Variants in NFIB observed in about 807,000 individuals in gnomAD.
The protein encoded by NFIB is nuclear factor 1 B-type.
A neutral mutation model predicts 61.5 loss-of-function variants in NFIB; 11 were observed. The ratio of observed to expected loss-of-function variants is 0.18; its 90% CI spans 0.11 to 0.30. The LOEUF (loss-of-function observed/expected upper bound fraction) is 0.30, where lower values mean the gene tolerates loss of function less well. Among genes scored for constraint, NFIB ranks in the 10% least tolerant of loss-of-function variants. The pLI, the probability that NFIB is intolerant of heterozygous loss-of-function variation, is 1.00. For missense variants in NFIB, 471 were observed against 608.9 expected (o/e 0.77, Z 2.38); for synonymous variants, 260 against 216.5 (o/e 1.20, Z -1.76).
chr9:14,514,577 A>T, the NFIB span, among the ~76,000 whole-genome samples: 1 of 152,158 alleles, frequency 6.6e-6, no homozygotes. Flanking sequence ...TTTATCATGA[A>T]AAACCTAAAT....
chr9:14,503,419 G>C, the NFIB span, among the ~76,000 whole-genome samples: 1 of 152,056 alleles, frequency 6.6e-6, no homozygotes, highest in African/African-American at 2.4e-5. Context: ...CAGTGTAAAA[G>C]TGTTCCCTTT....
intron 5 of NFIB, among the ~76,000 whole-genome samples, chr9:14,148,289 A>C (rs778026795): frequency 4.6e-5 from 7 of 151,890 alleles, no homozygotes; most frequent in Non-Finnish European, 1.0e-4. Flanking sequence ...AGCCTTGCTA[A>C]TTAAAAAAAT....
chr9:14,416,071 T>A, the NFIB span, among the ~76,000 whole-genome samples: 2 of 152,008 alleles, frequency 1.3e-5, no homozygotes, highest in African/African-American at 4.8e-5. Flanking sequence ...TGTATAAACC[T>A]AAGAAAAAAA....
At chr9:14,475,580 G>C in the NFIB span, among the ~76,000 whole-genome samples, 1 of 152,050 alleles carries the variant, frequency 6.6e-6, no homozygotes, top group Non-Finnish European at 1.5e-5. Context: ...GCGTCTTGCT[G>C]ACAGCCCGTA....
At chr9:14,444,121 T>A in the NFIB span, among the ~76,000 whole-genome samples, 1 of 152,234 alleles carries the variant, frequency 6.6e-6, no homozygotes, top group East Asian at 1.9e-4. Flanking sequence ...ACATATTTGA[T>A]GTGTCAGTTT....
chr9:14,252,295 T>C (rs1369042320), intron 2 of NFIB, among the ~76,000 whole-genome samples: 8 of 152,210 alleles, frequency 5.3e-5, no homozygotes, highest in Non-Finnish European at 8.8e-5. Flanking sequence ...TTTTTAATAT[T>C]CCTCATTACT....
chr9:14,237,292 T>C (rs1242048461), intron 2 of NFIB, among the ~76,000 whole-genome samples: 3 of 152,168 alleles, frequency 2.0e-5, no homozygotes, highest in Non-Finnish European at 2.9e-5. Context: ...CTTTCATCTA[T>C]CTCATCCTAT....
At chr9:14,315,458 C>T (rs930079324), upstream of NFIB, among the ~76,000 whole-genome samples, 16 of 148,592 alleles carry the variant, frequency 1.1e-4, no homozygotes, top group Non-Finnish European at 1.9e-4. Context: ...ATCCCCACCC[C>T]CCGGGGCCCG....
At chr9:14,489,837 A>G in the NFIB span, among the ~76,000 whole-genome samples, 1 of 152,088 alleles carries the variant, frequency 6.6e-6, no homozygotes, top group Non-Finnish European at 1.5e-5. Context: ...TTTAGAGAAC[A>G]TTCCATCTTA....
At chr9:14,331,942 A>G (rs1241520128) in intron 1 of NFIB, among the ~76,000 whole-genome samples, 1 of 152,182 alleles carries the variant, frequency 6.6e-6, no homozygotes, top group South Asian at 2.1e-4. Flanking sequence ...GAGAGATGAT[A>G]AACAAGAATA....
At chr9:14,201,759 A>G (rs1418091323) in intron 2 of NFIB, among the ~76,000 whole-genome samples, 1 of 152,174 alleles carries the variant, frequency 6.6e-6, no homozygotes, top group Non-Finnish European at 1.5e-5. Flanking sequence ...GAAGAAACTG[A>G]GACAAAGAGC....
chr9:14,439,090 G>C, the NFIB span, among the ~76,000 whole-genome samples: 8 of 152,218 alleles, frequency 5.3e-5, no homozygotes, highest in Non-Finnish European at 1.2e-4. Context: ...GAAGTTTCAG[G>C]CTCGGCGTTG....
intron 2 of NFIB, among the ~76,000 whole-genome samples, chr9:14,220,998 G>A (rs1029016976): frequency 3.3e-5 from 5 of 151,832 alleles, no homozygotes; most frequent in African/African-American, 1.2e-4. Context: ...CGAAAAGTCT[G>A]AACTCCTCTA....
the NFIB span, among the ~76,000 whole-genome samples, chr9:14,521,897 T>C: frequency 6.6e-6 from 1 of 152,320 alleles, no homozygotes; most frequent in African/African-American, 2.4e-5. Flanking sequence ...GCCAGGAGTT[T>C]AGAGAATATT....
At chr9:14,356,500 C>T (rs1404713624) in intron 1 of NFIB, among the ~76,000 whole-genome samples, 1 of 152,102 alleles carries the variant, frequency 6.6e-6, no homozygotes, top group African/African-American at 2.4e-5. Context: ...ATATGCTACC[C>T]AGAATGGTCA....
At chr9:14,460,991 T>G in the NFIB span, among the ~76,000 whole-genome samples, 1 of 148,506 alleles carries the variant, frequency 6.7e-6, no homozygotes, top group Admixed American at 7.0e-5. Context: ...GCTTTTCTTT[T>G]GGCTTAGAGG....
At chr9:14,165,499 A>T (rs947290873) in intron 3 of NFIB, among the ~76,000 whole-genome samples, 11 of 152,236 alleles carry the variant, frequency 7.2e-5, no homozygotes, top group Non-Finnish European at 1.3e-4. Context: ...GAGAAAAGCT[A>T]TCATTACGAT....
intron 6 of NFIB, among the ~76,000 whole-genome samples, chr9:14,141,919 A>AC (rs1449644086): frequency 1.0e-5 from 1 of 99,638 alleles, no homozygotes; most frequent in East Asian, 3.1e-4. Flanking sequence ...AAAAAAAAAA[A>AC]AAAAAAACAA....
At chr9:14,362,357 G>C (rs1003397684) in intron 1 of NFIB, 1 of 152,306 alleles carries the variant, frequency 6.6e-6, no homozygotes, top group Non-Finnish European at 1.5e-5. Context: ...GCCTGCCATA[G>C]TTTTATGAAC....
Sources: gnomAD v4.1 joint callset for allele counts (sites outside exome capture counted in the v4.1 genomes callset) on GRCh38, gnomAD v4.1.1 for gene constraint, MANE v1.5 for transcripts, NCBI Gene and HGNC (gene_info 2026-07-23, HGNC 2026-07-21) for gene names.